NAA60: variants seen among roughly 807,000 people sequenced by gnomAD.
The protein encoded by NAA60 is N-alpha-acetyltransferase 60.
NAA60 carries 8 observed loss-of-function variants against 26.1 expected under a neutral mutation model. The observed-to-expected ratio is 0.31, with a 90% confidence interval of 0.18 to 0.55. NAA60 has a LOEUF of 0.55. Ranked by LOEUF, NAA60 falls within the 20% of genes least tolerant of loss-of-function variation. The pLI is 0.93. For missense variants in NAA60, 290 were observed against 311.3 expected (o/e 0.93, Z 0.51); for synonymous variants, 131 against 122.5 (o/e 1.07, Z -0.46).
Position 3,452,289 on chromosome 16 carries a change from C to T in NAA60, c.-7+3749C>T, listed in dbSNP as rs2034816419. 1.3e-5 allele frequency among the ~76,000 whole-genome samples: 2 copies of T among 152,130 alleles called. 1 individual carries two copies. The highest frequency in any genetic ancestry group is 4.1e-4 in the South Asian group (2 of 4,826). ...TGCCCTGCTGTAGTGGGTGTAGAGT[C>T]TTCACACTCTTGGTATGAGAATAAA... On this transcript the variant is annotated intron_variant, in intron 2 of 7. Transcript: ENST00000407558.
Position 3,483,419 on chromosome 16 carries a change from T to G in NAA60, c.394T>G (p.Cys132Gly). 6.2e-7 allele frequency: 1 copy of G among 1,613,920 alleles called. No individual in the cohort carries two copies. The highest frequency in any genetic ancestry group is 8.5e-7 in the Non-Finnish European group (1 of 1,179,830). ...DHISTTAQDH[C>G]KAIYLHVLTT... ...CATATCAACCACCGCCCAGGACCAC[T>G]GCAAAGCCATTTACCTGCATGTCCT... The change falls in exon 6 of 8, where the codon TGC becomes GGC. Residue 132 changes from cysteine to glycine, a missense_variant. By Grantham distance (159) the Cys-to-Gly change is radical. Transcript: ENST00000407558.
In NAA60 at chr16:3,480,571, C is replaced by T. The variant is rs73489646; in HGVS notation, c.240+971C>T. Among the ~76,000 whole-genome samples, 1,392 of 149,158 alleles carry T rather than the reference C, an allele frequency of 9.3e-3. 16 individuals carry two copies. The highest frequency in any genetic ancestry group is 0.032 in the African/African-American group (1,313 of 40,404). ...GAGATCGTGCCATTGCACTCCAGCC[C>T]GAGGGACAAAAGCAAGACTTCGTCT... On this transcript the variant is annotated intron_variant, in intron 4 of 7. Coordinates refer to ENST00000407558, the MANE Select transcript of NAA60 (RefSeq NM_001083601.3).
intron 2 of NAA60, among the ~76,000 whole-genome samples, chr16:3,472,589 C>T (rs929927193): frequency 2.0e-5 from 3 of 152,070 alleles, no homozygotes; most frequent in South Asian, 2.1e-4. Flanking sequence ...CCTGCCACTG[C>T]GCCCAGCTAA....
intron 3 of NAA60, among the ~76,000 whole-genome samples, chr16:3,478,619 C>A (rs541206704): frequency 6.6e-6 from 1 of 152,198 alleles, no homozygotes; most frequent in Non-Finnish European, 1.5e-5. Context: ...TTGCCTGCTC[C>A]GCTCAGAGGG....
chr16:3,444,085 C>A (rs2034451397), intron 1 of NAA60, among the ~76,000 whole-genome samples: 1 of 152,212 alleles, frequency 6.6e-6, no homozygotes. Flanking sequence ...CCCGCAGCTG[C>A]AGCCTAAGCG....
chr16:3,461,822 G>T (rs1596308635), intron 2 of NAA60, among the ~76,000 whole-genome samples: 1 of 152,236 alleles, frequency 6.6e-6, no homozygotes, highest in East Asian at 1.9e-4. Flanking sequence ...AATATTCTTG[G>T]CCAGGCACAG....
At chr16:3,480,520 C>T (rs1439474991) in intron 4 of NAA60, among the ~76,000 whole-genome samples, 2 of 151,830 alleles carry the variant, frequency 1.3e-5, no homozygotes, top group Non-Finnish European at 1.5e-5. Context: ...TCGCTTGAAC[C>T]CACGAGGCAG....
chr16:3,467,877 A>G (rs1056035051), intron 2 of NAA60: 1 of 152,252 alleles, frequency 6.6e-6, no homozygotes, highest in African/African-American at 2.4e-5. Context: ...AAACGGCACA[A>G]ACAAAGCAAG....
In NAA60 at chr16:3,485,787, G is replaced by A. The variant is rs779798628; in HGVS notation, c.*527G>A. ...GAACCAGCCCAAAGAAGCCTGGGGGGTGAGGAGTGGCCCCCACTCCTCCAT... is the reference window on the plus strand; with the variant it reads ...GAACCAGCCCAAAGAAGCCTGGGGGATGAGGAGTGGCCCCCACTCCTCCAT... On this transcript the variant is annotated 3_prime_UTR_variant, in exon 8 of 8. Coordinates refer to ENST00000407558, the MANE Select transcript of NAA60 (RefSeq NM_001083601.3). 2.4e-6 allele frequency: 1 copy of A among 411,822 alleles called. No individual in the cohort carries two copies. Among genetic ancestry groups the A allele is most frequent in the Non-Finnish European group, 4.9e-6 (1 of 202,562 alleles). The allele number at this position is 411,822 out of a possible 1,614,324, so 25.5% of individuals were successfully genotyped here. A position where few individuals can be genotyped will look rare whatever the true frequency, so the allele number is the denominator to read the frequency against.
intron 3 of NAA60, among the ~76,000 whole-genome samples, chr16:3,476,807 C>T (rs566220457): frequency 6.6e-6 from 1 of 151,990 alleles, no homozygotes; most frequent in East Asian, 1.9e-4. Flanking sequence ...TTTGGGAGGC[C>T]AAGGAGGGCA....
chr16:3,463,215 G>A (rs1005348451), intron 2 of NAA60, among the ~76,000 whole-genome samples: 1 of 151,986 alleles, frequency 6.6e-6, no homozygotes, highest in Non-Finnish European at 1.5e-5. Context: ...CCAAGCTGTT[G>A]CTAACTAAAA....
At chr16:3,450,516 T>A (rs1042473631) in intron 2 of NAA60, among the ~76,000 whole-genome samples, 2 of 151,804 alleles carry the variant, frequency 1.3e-5, no homozygotes, top group Non-Finnish European at 2.9e-5. Flanking sequence ...CTGGCTAACA[T>A]GGTGAAACCC....
chr16:3,450,691 C>T (rs1346818022), intron 2 of NAA60, among the ~76,000 whole-genome samples: 4 of 121,992 alleles, frequency 3.3e-5, no homozygotes, highest in Non-Finnish European at 3.2e-5. Context: ...CAGAGTGAGA[C>T]TCCGTCTCAA....
chr16:3,446,559 G>GA (rs201391169), intron 1 of NAA60, among the ~76,000 whole-genome samples: 1,645 of 148,340 alleles, frequency 0.011, 16 homozygotes, highest in Non-Finnish European at 0.019. Flanking sequence ...AAATACAGGG[G>GA]AAAAAATGGC....
chr16:3,457,961 C>T (rs1193635302), intron 2 of NAA60: 5 of 984,064 alleles, frequency 5.1e-6, no homozygotes, highest in South Asian at 4.7e-5. Context: ...CCTCAGGGGG[C>T]GGGGCCACGT....
chr16:3,458,389 TGGCCAGGGACGAG>T (rs2035135713), intron 2 of NAA60, among the ~76,000 whole-genome samples: 1 of 151,852 alleles, frequency 6.6e-6, no homozygotes, highest in South Asian at 2.1e-4. Context: ...GAGTGGGCGC[TGGCCAGGGACGAG>T]GGTTGAGGAG....
chr16:3,450,651 G>T (rs1358749196), intron 2 of NAA60, among the ~76,000 whole-genome samples: 3 of 139,280 alleles, frequency 2.2e-5, no homozygotes, highest in Non-Finnish European at 4.5e-5. Context: ...AGTGAGCCGA[G>T]ATCGTGCCAC....
intron 6 of NAA60, 95 bp downstream of exon 6, chr16:3,483,692 ATGT>A (rs2036989897): frequency 1.0e-6 from 1 of 959,614 alleles, no homozygotes; most frequent in Admixed American, 2.4e-5. Context: ...CCCTCAGATG[ATGT>A]TCAGGTGGCC....
In NAA60 at chr16:3,448,862, A is replaced by G. The variant is rs1248439784; in HGVS notation, c.-7+322A>G. Reference sequence around the variant, plus strand: ...AAGCCCAGTCTCAGGGCACACTGACAATGTTAGTGGAGAACGAGACTCTCC... The same window carrying G: ...AAGCCCAGTCTCAGGGCACACTGACGATGTTAGTGGAGAACGAGACTCTCC... On this transcript the variant is annotated intron_variant, in intron 2 of 7. Transcript: ENST00000407558. 6.3e-5 allele frequency: 16 copies of G among 254,752 alleles called. No individual in the cohort carries two copies. In the South Asian group the frequency reaches 6.9e-4, roughly 11 times the overall value. The allele number at this position is 254,752 out of a possible 1,614,324, so 15.8% of individuals were successfully genotyped here.
Sources: gnomAD v4.1 joint callset for allele counts (sites outside exome capture counted in the v4.1 genomes callset) on GRCh38, gnomAD v4.1.1 for gene constraint, MANE v1.5 for transcripts, NCBI Gene and HGNC (gene_info 2026-07-23, HGNC 2026-07-21) for gene names.